SH3BP5: variants seen among roughly 807,000 people sequenced by gnomAD.
SH3BP5 encodes the protein SH3 domain-binding protein 5.
SH3BP5 carries 22 observed loss-of-function variants against 43.3 expected under a neutral mutation model. That is an observed-to-expected ratio of 0.51 (90% confidence interval 0.36 to 0.73). SH3BP5 has a LOEUF of 0.73. Among genes scored for constraint, SH3BP5 ranks in the 30% least tolerant of loss-of-function variants. The probability of loss-of-function intolerance (pLI) is 0.00; values close to 1 mark genes in which losing one functional copy is unlikely to be tolerated. For synonymous variants in SH3BP5, 255 were observed against 225.8 expected (o/e 1.13, Z -1.16); for missense variants, 529 against 586.9 (o/e 0.90, Z 1.02).
chr3:15,279,715 C>G (rs183003553), intron 3 of SH3BP5, among the ~76,000 whole-genome samples: 155 of 152,138 alleles, frequency 1.0e-3, no homozygotes, highest in Middle Eastern at 3.4e-3. Flanking sequence ...CAGTTTCTGG[C>G]AAGACAATCC....
chr3:15,306,289 G>A (rs1697903314), intron 2 of SH3BP5, among the ~76,000 whole-genome samples: 1 of 152,150 alleles, frequency 6.6e-6, no homozygotes, highest in Non-Finnish European at 1.5e-5. Context: ...AACCCGGGAG[G>A]CGGAGCTTGC....
intron 4 of SH3BP5, among the ~76,000 whole-genome samples, chr3:15,268,133 C>A (rs1436876416): frequency 1.3e-5 from 2 of 152,150 alleles, no homozygotes; most frequent in African/African-American, 4.8e-5. Context: ...GGGCAGGAGG[C>A]GCAAGGCCAC....
Position 15,270,215 on chromosome 3 carries a change from C to T in SH3BP5, c.331-338G>A, listed in dbSNP as rs147035886. Among the ~76,000 whole-genome samples the T allele has an allele frequency of 1.6e-3, 245 of 152,312 alleles. 2 individuals carry two copies. Among genetic ancestry groups the T allele is most frequent in the African/African-American group, 5.5e-3 (228 of 41,556 alleles). On this transcript the variant is annotated intron_variant, in intron 3 of 8. Coordinates refer to ENST00000383791, the MANE Select transcript of SH3BP5 (RefSeq NM_004844.5). ...CCTTTCTCAGAAGCTCTGCCTCACT[C>T]GAGGCCTGTCACCTTCCCTGCCCAG...
rs985587577 is a variant in SH3BP5 at position 15,340,656 on chromosome 3, T to C, written c.-402+567A>G. Reference sequence around the variant, plus strand: ...ATCCCAGCTACTCAGGAGGCCGAATTGGGAGAATCACTTGAACTCCATAGG... The same window carrying C: ...ATCCCAGCTACTCAGGAGGCCGAATCGGGAGAATCACTTGAACTCCATAGG... On this transcript the variant is annotated intron_variant, in intron 1 of 8. Transcript: ENST00000408919. 4.6e-5 allele frequency among the ~76,000 whole-genome samples: 7 copies of C among 151,898 alleles called. 1 individual carries two copies. Among genetic ancestry groups the C allele is most frequent in the Admixed American group, 3.9e-4 (6 of 15,244 alleles).
At chr3:15,319,696 A>G (rs1025382984) in intron 2 of SH3BP5, among the ~76,000 whole-genome samples, 1 of 152,210 alleles carries the variant, frequency 6.6e-6, no homozygotes, top group South Asian at 2.1e-4. Flanking sequence ...GTACCACACT[A>G]GAAAGGTCAC....
chr3:15,300,311 T>C (rs1424842595), intron 3 of SH3BP5, among the ~76,000 whole-genome samples: 4 of 152,190 alleles, frequency 2.6e-5, no homozygotes, highest in Admixed American at 2.0e-4. Flanking sequence ...ACTTAAATCC[T>C]AAGGCCAACC....
At chr3:15,316,269 G>T (rs1001822857) in intron 2 of SH3BP5, among the ~76,000 whole-genome samples, 4 of 120,740 alleles carry the variant, frequency 3.3e-5, no homozygotes, top group Non-Finnish European at 6.4e-5. Flanking sequence ...TTGTCACCCA[G>T]GCTGGAGTAC....
intron 3 of SH3BP5, among the ~76,000 whole-genome samples, chr3:15,280,303 T>C (rs1697086797): frequency 6.6e-6 from 1 of 152,170 alleles, no homozygotes; most frequent in South Asian, 2.1e-4. Context: ...GCTCTAGCAG[T>C]GTGCCACCGG....
intron 2 of SH3BP5, among the ~76,000 whole-genome samples, chr3:15,326,840 G>A (rs1698475247): frequency 1.3e-5 from 2 of 152,240 alleles, no homozygotes; most frequent in Admixed American, 1.3e-4. Flanking sequence ...CGAGCAGGCT[G>A]TGATGTGGCT....
intron 4 of SH3BP5, 123 bp downstream of exon 4, chr3:15,269,590 C>T (rs1696740006): frequency 2.9e-6 from 3 of 1,051,724 alleles, no homozygotes; most frequent in Non-Finnish European, 4.1e-6. Flanking sequence ...GAGATGACAA[C>T]CTGTGATTTT....
At chr3:15,304,312 A>G in intron 2 of SH3BP5, 81 bp from the exon 3 acceptor site, 1 of 1,607,180 alleles carries the variant, frequency 6.2e-7, no homozygotes, top group Non-Finnish European at 8.5e-7. Flanking sequence ...AGACAGAAAC[A>G]TCAACAAAGG....
intron 3 of SH3BP5, chr3:15,273,323 G>A (rs1004192955): frequency 1.0e-5 from 10 of 985,340 alleles, no homozygotes; most frequent in Non-Finnish European, 1.2e-5. Context: ...CCTTCTGAAA[G>A]GTGGCTGCTG....
intron 7 of SH3BP5, among the ~76,000 whole-genome samples, chr3:15,257,830 C>G (rs1341321653): frequency 6.6e-6 from 1 of 152,154 alleles, no homozygotes; most frequent in Non-Finnish European, 1.5e-5. Context: ...CTTTCCTACT[C>G]CATTTTTCCC....
intron 2 of SH3BP5, among the ~76,000 whole-genome samples, chr3:15,321,698 A>G (rs77970838): frequency 0.049 from 7,486 of 152,080 alleles, 223 homozygotes; most frequent in African/African-American, 0.082. Flanking sequence ...AGGCTTCTCA[A>G]ACAATGTGGT....
intron 3 of SH3BP5, among the ~76,000 whole-genome samples, chr3:15,286,959 C>T (rs1271670246): frequency 6.6e-6 from 1 of 152,176 alleles, no homozygotes; most frequent in East Asian, 1.9e-4. Flanking sequence ...GCTCACGGTT[C>T]CAGGGCAGGC....
intron 3 of SH3BP5, among the ~76,000 whole-genome samples, chr3:15,294,334 C>CGT (rs1559444300): frequency 4.3e-4 from 60 of 138,760 alleles, no homozygotes; most frequent in Non-Finnish European, 6.0e-4. Flanking sequence ...TGTGTGTGCG[C>CGT]GCGCATGTTT....
intron 5 of SH3BP5, chr3:15,260,227 C>T: frequency 4.9e-6 from 1 of 205,956 alleles, no homozygotes; most frequent in East Asian, 1.5e-4. Context: ...GCTGCTTAAA[C>T]CTCCTCCTCT....
intron 3 of SH3BP5, among the ~76,000 whole-genome samples, chr3:15,277,271 C>T (rs1696998666): frequency 6.6e-6 from 1 of 152,200 alleles, no homozygotes; most frequent in Non-Finnish European, 1.5e-5. Flanking sequence ...CACACCCAGC[C>T]TCATTCTAAA....
Position 15,304,196 on chromosome 3 carries a change from T to C in SH3BP5, c.237A>G (p.Glu79=), listed in dbSNP as rs765227528. 5 of 1,614,076 alleles carry C rather than the reference T, an allele frequency of 3.1e-6. No individual in the cohort carries two copies. In the South Asian group the frequency reaches 5.5e-5, roughly 18 times the overall value. The change falls in exon 3 of 9, where the codon GAA becomes GAG. Residue 79 remains glutamate, a synonymous_variant. Transcript: ENST00000383791. ...CCAGTTCATCCAGTTTCACCGTTGC[T>C]TCAACCAGAACAGAGCGGAACTTCT... ...ARQKFRSVLV[E]ATVKLDELVK...
Sources: allele counts gnomAD v4.1 joint callset (sites outside exome capture counted in the v4.1 genomes callset), GRCh38; gene constraint gnomAD v4.1.1; transcripts MANE v1.5; gene names NCBI Gene and HGNC (gene_info 2026-07-23, HGNC 2026-07-21).